XYLT1: variants seen among roughly 807,000 people sequenced by gnomAD.
XYLT1 encodes the protein xylosyltransferase 1.
A neutral mutation model predicts 91.3 loss-of-function variants in XYLT1; 36 were observed. That is an observed-to-expected ratio of 0.39 (90% CI 0.30 to 0.52). The LOEUF (loss-of-function observed/expected upper bound fraction) is 0.52, where lower values mean the gene tolerates loss of function less well. Among genes scored for constraint, XYLT1 ranks in the 20% least tolerant of loss-of-function variants. The pLI is 0.68. For missense variants in XYLT1, 1,242 were observed against 1,284.5 expected (o/e 0.97, Z 0.51); for synonymous variants, 588 against 532.0 (o/e 1.11, Z -1.45).
At chr16:17,451,820 A>G (rs1209637812) in intron 1 of XYLT1, among the ~76,000 whole-genome samples, 10 of 152,198 alleles carry the variant, frequency 6.6e-5, no homozygotes, top group Admixed American at 3.3e-4. Flanking sequence ...CTGGCTTTAC[A>G]AGACACAGTA....
chr16:17,163,735 G>A (rs922159637), intron 5 of XYLT1, among the ~76,000 whole-genome samples: 4 of 152,158 alleles, frequency 2.6e-5, no homozygotes, highest in Non-Finnish European at 4.4e-5. Context: ...TGCAATGAAC[G>A]ACCCATTGTG....
chr16:17,343,754 C>A (rs1348804351), intron 2 of XYLT1, among the ~76,000 whole-genome samples: 3 of 152,168 alleles, frequency 2.0e-5, no homozygotes, highest in Non-Finnish European at 4.4e-5. Context: ...CAGGCATGAG[C>A]CACCATACCC....
At chr16:17,285,924 G>A (rs1186518268) in intron 2 of XYLT1, among the ~76,000 whole-genome samples, 1 of 126,656 alleles carries the variant, frequency 7.9e-6, no homozygotes, top group African/African-American at 3.3e-5. Flanking sequence ...GTGTGTCCAT[G>A]TGTGTGTGAG....
intron 1 of XYLT1, among the ~76,000 whole-genome samples, chr16:17,364,564 A>C (rs1368905673): frequency 1.3e-5 from 2 of 152,212 alleles, no homozygotes; most frequent in Non-Finnish European, 2.9e-5. Flanking sequence ...TCTGAACTGC[A>C]AGTTACCGTA....
At chr16:17,306,026 A>G (rs992155269) in intron 2 of XYLT1, among the ~76,000 whole-genome samples, 2 of 152,070 alleles carry the variant, frequency 1.3e-5, no homozygotes, top group African/African-American at 4.8e-5. Flanking sequence ...CCCTGACCCA[A>G]ACAGAAGGAG....
chr16:17,293,792 A>C (rs2034267819), intron 2 of XYLT1, among the ~76,000 whole-genome samples: 1 of 152,096 alleles, frequency 6.6e-6, no homozygotes, highest in Admixed American at 6.5e-5. Context: ...CCCGGCCAGA[A>C]TCTCTCTCTT....
At chr16:17,333,681 G>A (rs768295101) in intron 2 of XYLT1, among the ~76,000 whole-genome samples, 12 of 149,052 alleles carry the variant, frequency 8.1e-5, no homozygotes, top group South Asian at 2.1e-4. Flanking sequence ...TCTGCCTCCC[G>A]AGTTCAAGCA....
At chr16:17,442,938 T>A (rs571273037) in intron 1 of XYLT1, among the ~76,000 whole-genome samples, 3 of 152,332 alleles carry the variant, frequency 2.0e-5, no homozygotes, top group South Asian at 4.1e-4. Context: ...GAACGTGTGT[T>A]ACTTTAATCA....
At chr16:17,369,681 C>T (rs1468112932) in intron 1 of XYLT1, 1 of 152,234 alleles carries the variant, frequency 6.6e-6, no homozygotes, top group Non-Finnish European at 1.5e-5. Context: ...AAGTTGAGCA[C>T]TGAGGTTAAT....
intron 1 of XYLT1, among the ~76,000 whole-genome samples, chr16:17,371,060 G>C (rs2035525837): frequency 6.6e-6 from 1 of 152,196 alleles, no homozygotes; most frequent in African/African-American, 2.4e-5. Context: ...AGAAGGACGG[G>C]ATATGAACCA....
chr16:17,137,240 G>A (rs1490330256), intron 8 of XYLT1, among the ~76,000 whole-genome samples: 3 of 152,106 alleles, frequency 2.0e-5, no homozygotes, highest in African/African-American at 7.2e-5. Flanking sequence ...ACCCCTCCAT[G>A]CCTTCGTTTC....
At chr16:17,465,222 A>G (rs374968379) in intron 1 of XYLT1, among the ~76,000 whole-genome samples, 13 of 151,658 alleles carry the variant, frequency 8.6e-5, no homozygotes, top group African/African-American at 3.1e-4. Flanking sequence ...AAACCATGCA[A>G]AAGGAACGCA....
At chr16:17,290,567 T>C (rs905013843) in intron 2 of XYLT1, among the ~76,000 whole-genome samples, 1 of 152,234 alleles carries the variant, frequency 6.6e-6, no homozygotes, top group African/African-American at 2.4e-5. Flanking sequence ...CCCCAAACTG[T>C]TGAATCGACC....
chr16:17,278,870 A>T (rs1406061734), intron 2 of XYLT1, among the ~76,000 whole-genome samples: 3 of 152,192 alleles, frequency 2.0e-5, no homozygotes, highest in Admixed American at 2.0e-4. Flanking sequence ...AGCCTCATCT[A>T]TGCACAGGGA....
At chr16:17,132,273 G>C (rs1320946267) in intron 9 of XYLT1, among the ~76,000 whole-genome samples, 3 of 152,174 alleles carry the variant, frequency 2.0e-5, no homozygotes, top group African/African-American at 4.8e-5. Flanking sequence ...TACTGAAGGT[G>C]AAGTCCCTGA....
intron 3 of XYLT1, among the ~76,000 whole-genome samples, chr16:17,205,676 A>T (rs1163722859): frequency 6.6e-6 from 1 of 152,154 alleles, no homozygotes; most frequent in Non-Finnish European, 1.5e-5. Flanking sequence ...CCAGAGTTCT[A>T]CCTCAAAGCT....
chr16:17,366,486 G>C (rs1357011319), intron 1 of XYLT1, among the ~76,000 whole-genome samples: 1 of 152,206 alleles, frequency 6.6e-6, no homozygotes, highest in Admixed American at 6.5e-5. Flanking sequence ...CTTGCGGTCA[G>C]GAGGTCGAGA....
chr16:17,302,199 G>T (rs11075347), intron 2 of XYLT1, among the ~76,000 whole-genome samples: 94,218 of 151,762 alleles, frequency 0.62, 31,318 homozygotes, highest in African/African-American at 0.87. Context: ...AGCAAGACTC[G>T]ATCTCAAAAT....
rs557094987 is a variant in XYLT1 at position 17,387,851 on chromosome 16, G to C, written c.364-29801C>G. 4.8e-4 allele frequency among the ~76,000 whole-genome samples: 73 copies of C among 152,194 alleles called. 2 individuals carry two copies. In the South Asian group the frequency reaches 0.013, roughly 28 times the overall value. On this transcript the variant is annotated intron_variant, in intron 1 of 11. Transcript: ENST00000261381. ...TGTAGACACCAAGATTTTTCTCCTC[G>C]TGAAGATTCTATTCAGAGGAATACA...
Sources: allele counts gnomAD v4.1 joint callset (sites outside exome capture counted in the v4.1 genomes callset), GRCh38; gene constraint gnomAD v4.1.1; transcripts MANE v1.5; gene names NCBI Gene and HGNC (gene_info 2026-07-23, HGNC 2026-07-21).